Variants in MAML3 observed in about 807,000 individuals in gnomAD.
The protein encoded by MAML3 is mastermind like transcriptional coactivator 3, also known as mastermind-like protein 3.
A neutral mutation model predicts 101.9 loss-of-function variants in MAML3; 27 were observed. The observed-to-expected ratio is 0.27, with a 90% CI of 0.20 to 0.37. MAML3 has a LOEUF of 0.37. Ranked by LOEUF, MAML3 falls within the 10% of genes least tolerant of loss-of-function variation. The pLI is 1.00. For missense variants in MAML3, 1,316 were observed against 1,444.9 expected (o/e 0.91, Z 1.45); for synonymous variants, 501 against 555.9 (o/e 0.90, Z 1.39).
intron 1 of MAML3, among the ~76,000 whole-genome samples, chr4:139,917,945 G>T (rs777285178): frequency 6.6e-6 from 1 of 152,068 alleles, no homozygotes; most frequent in Non-Finnish European, 1.5e-5. Flanking sequence ...TACTTGAGGC[G>T]AGTCCCTTTA....
At chr4:139,940,243 G>C (rs1180245031) in intron 1 of MAML3, among the ~76,000 whole-genome samples, 1 of 152,096 alleles carries the variant, frequency 6.6e-6, no homozygotes, top group Non-Finnish European at 1.5e-5. Flanking sequence ...CTTTGTGGTT[G>C]CTTCAGTTAA....
rs922800838 is a variant in MAML3, at chr4:139,890,057, G to A, written c.1379C>T (p.Ser460Phe). Reference protein sequence around the residue: ...SASGPVAVPSSDMSPAEQLKQ... With the variant: ...SASGPVAVPSFDMSPAEQLKQ... ...GAGCTGTTCTGCTGGAGACATGTCA[G>A]AGCTGGGCACAGCCACAGGCCCTGA... The change falls in exon 2 of 5, where the codon TCT (serine) becomes TTT (phenylalanine). Residue 460 changes from serine to phenylalanine, a missense_variant. By Grantham distance (155) the Ser-to-Phe change is radical. Coordinates refer to ENST00000509479, the MANE Select transcript of MAML3 (RefSeq NM_018717.5). The surrounding 1 kb of genome is among the most constrained non-coding windows in gnomAD (Gnocchi z 4.1). 3.1e-6 allele frequency: 5 copies of A among 1,609,346 alleles called. No individual in the cohort carries two copies. The highest frequency in any genetic ancestry group is 8.5e-7 in the Non-Finnish European group (1 of 1,177,678).
chr4:139,725,210 G>C (rs967843609), intron 4 of MAML3, among the ~76,000 whole-genome samples: 2 of 152,164 alleles, frequency 1.3e-5, no homozygotes, highest in African/African-American at 4.8e-5. Context: ...AGTTCAATCA[G>C]CCTCAAGGCC....
At chr4:139,840,856 C>T (rs547319931) in intron 2 of MAML3, among the ~76,000 whole-genome samples, 12 of 152,320 alleles carry the variant, frequency 7.9e-5, no homozygotes, top group African/African-American at 2.4e-4. Flanking sequence ...TCTCAATTGC[C>T]GTGTGCATTG....
intron 2 of MAML3, among the ~76,000 whole-genome samples, chr4:139,846,965 C>T (rs1167757481): frequency 6.6e-6 from 1 of 152,206 alleles, no homozygotes; most frequent in Non-Finnish European, 1.5e-5. Context: ...CTTCTTCCCA[C>T]ATCATTCAGT....
In MAML3 at chr4:139,962,259, T is replaced by G. The variant is rs539438680; in HGVS notation, c.469-71292A>C. ...TCAGTGGGCCTTTCTCAATAGGTGTTGCCGTTTAGCCTACAAAACTCACTT... is the reference window on the plus strand; with the variant it reads ...TCAGTGGGCCTTTCTCAATAGGTGTGGCCGTTTAGCCTACAAAACTCACTT... On this transcript the variant is annotated intron_variant, in intron 1 of 4. Transcript: ENST00000509479. 1.2e-4 allele frequency among the ~76,000 whole-genome samples: 18 copies of G among 152,298 alleles called. No individual in the cohort carries two copies. In the East Asian group the frequency reaches 3.5e-3, roughly 29 times the overall value.
chr4:139,843,961 T>C (rs919638526), intron 2 of MAML3, among the ~76,000 whole-genome samples: 2 of 152,208 alleles, frequency 1.3e-5, no homozygotes, highest in Non-Finnish European at 1.5e-5. Flanking sequence ...TCTATTGCAC[T>C]GCGCTGACAT....
chr4:139,803,494 C>A (rs545239281), intron 2 of MAML3, among the ~76,000 whole-genome samples: 1 of 152,040 alleles, frequency 6.6e-6, no homozygotes, highest in Admixed American at 6.5e-5. Flanking sequence ...TGTCAGCAGG[C>A]GTTTGGGAGA....
intron 2 of MAML3, among the ~76,000 whole-genome samples, chr4:139,764,606 C>T (rs936850325): frequency 6.6e-5 from 10 of 152,142 alleles, no homozygotes; most frequent in East Asian, 5.8e-4. Flanking sequence ...CTAATGCATG[C>T]GAGAGCACTT....
At chr4:139,844,041 C>A (rs1731403351) in intron 2 of MAML3, among the ~76,000 whole-genome samples, 1 of 152,200 alleles carries the variant, frequency 6.6e-6, no homozygotes. Context: ...ATTAATAAAT[C>A]AATTGCTCTT....
At chr4:139,891,097 T>C (rs1560827254) in intron 1 of MAML3, 130 bp from the exon 2 acceptor site, 18 of 1,127,780 alleles carry the variant, frequency 1.6e-5, no homozygotes, top group Non-Finnish European at 2.1e-5. Flanking sequence ...GTCATACTTA[T>C]AATTTCAAAA....
intron 1 of MAML3, among the ~76,000 whole-genome samples, chr4:139,989,850 A>AACACACACAC (rs71593737): frequency 0.018 from 2,211 of 122,658 alleles, 34 homozygotes; most frequent in Non-Finnish European, 0.028. Context: ...CACACAAACA[A>AACACACACAC]ACACACACAC....
chr4:140,089,862 A>T (rs1330827844), intron 1 of MAML3, among the ~76,000 whole-genome samples: 1 of 152,192 alleles, frequency 6.6e-6, no homozygotes. Flanking sequence ...GCCTCAAGCC[A>T]TCCTGCTGCC....
chr4:139,761,233 T>TA (rs1176428378), intron 2 of MAML3, among the ~76,000 whole-genome samples: 1 of 152,252 alleles, frequency 6.6e-6, no homozygotes, highest in Non-Finnish European at 1.5e-5. Flanking sequence ...GTTCTGGGAT[T>TA]ACAGGCATGA....
chr4:139,898,281 T>A (rs1021579023), intron 1 of MAML3, among the ~76,000 whole-genome samples: 1 of 152,236 alleles, frequency 6.6e-6, no homozygotes, highest in African/African-American at 2.4e-5. Context: ...GTTGGTTAGT[T>A]TAAAATACTG....
At chr4:139,798,370 TC>T (rs1410819360) in intron 2 of MAML3, among the ~76,000 whole-genome samples, 1 of 152,118 alleles carries the variant, frequency 6.6e-6, no homozygotes, top group Admixed American at 6.5e-5. Flanking sequence ...AACCAAAGAC[TC>T]TCAAAATGCC....
intron 1 of MAML3, among the ~76,000 whole-genome samples, chr4:139,994,850 C>T (rs1734774700): frequency 6.6e-6 from 1 of 151,542 alleles, no homozygotes; most frequent in Non-Finnish European, 1.5e-5. Context: ...GATCAAGTCA[C>T]CTGTGAATAA....
At chr4:139,748,158 G>C (rs1344052453) in intron 2 of MAML3, among the ~76,000 whole-genome samples, 1 of 151,828 alleles carries the variant, frequency 6.6e-6, no homozygotes. Context: ...GGTATATTCA[G>C]CTTCCAGATA....
chr4:140,113,497 T>G (rs1305045546), intron 1 of MAML3, among the ~76,000 whole-genome samples: 7 of 152,102 alleles, frequency 4.6e-5, no homozygotes, highest in Non-Finnish European at 8.8e-5. Flanking sequence ...AGTAGACTAT[T>G]TCTTCAACGA....
Sources: gnomAD v4.1 joint callset for allele counts (sites outside exome capture counted in the v4.1 genomes callset) on GRCh38, gnomAD v4.1.1 for gene constraint, Gnocchi (gnomAD v3.1) non-coding constraint, MANE v1.5 for transcripts, NCBI Gene and HGNC (gene_info 2026-07-23, HGNC 2026-07-21) for gene names.